Variants in ABCC4 observed in about 807,000 individuals in gnomAD.
ABCC4 encodes the protein ATP binding cassette subfamily C member 4 (PEL blood group).
A neutral mutation model predicts 168.5 loss-of-function variants in ABCC4; 102 were observed. The observed-to-expected ratio is 0.61, with a 90% CI of 0.52 to 0.71. ABCC4 has a LOEUF of 0.71. ABCC4 is among the 30% of genes least tolerant of loss of function. The pLI is 0.00. For synonymous variants in ABCC4, 617 were observed against 590.7 expected, an observed-to-expected ratio of 1.04 and a Z score of -0.65; for missense variants, 1,402 against 1,605.8, an observed-to-expected ratio of 0.87 and a Z score of 2.17.
At chr13:95,266,840 T>TG in intron 1 of ABCC4, among the ~76,000 whole-genome samples, 1 of 151,590 alleles carries the variant, frequency 6.6e-6, no homozygotes, top group African/African-American at 2.4e-5. Context: ...TTTTTTTTTT[T>TG]TGAGATGGAG....
chr13:95,066,705 C>T (rs1027371879), intron 25 of ABCC4, among the ~76,000 whole-genome samples: 1 of 152,138 alleles, frequency 6.6e-6, no homozygotes, highest in African/African-American at 2.4e-5. Context: ...ATGACTGAGC[C>T]CCTAAGTGAT....
intron 9 of ABCC4, among the ~76,000 whole-genome samples, chr13:95,189,936 T>A (rs78608794): frequency 6.6e-6 from 1 of 151,994 alleles, no homozygotes; most frequent in African/African-American, 2.4e-5. Flanking sequence ...TCAGAAATAA[T>A]GTTCCTAAAC....
At chr13:95,121,570 C>T (rs924224122) in intron 19 of ABCC4, among the ~76,000 whole-genome samples, 10 of 151,718 alleles carry the variant, frequency 6.6e-5, no homozygotes, top group African/African-American at 1.9e-4. Context: ...CCATGCCTGG[C>T]TAATTTTTAA....
At chr13:95,293,717 G>A (rs1243512121) in intron 1 of ABCC4, among the ~76,000 whole-genome samples, 3 of 151,412 alleles carry the variant, frequency 2.0e-5, no homozygotes, top group South Asian at 2.1e-4. Flanking sequence ...CACCTGCCTC[G>A]GCCTCCCAAA....
chr13:95,062,941 G>C (rs2033359767), intron 25 of ABCC4, 82 bp from the exon 26 acceptor site: 14 of 1,485,350 alleles, frequency 9.4e-6, no homozygotes, highest in South Asian at 4.0e-5. Flanking sequence ...AAAACTTTCG[G>C]TTTTTGAAGA....
chr13:95,094,173 A>C (rs921289327), intron 20 of ABCC4, among the ~76,000 whole-genome samples: 1 of 152,140 alleles, frequency 6.6e-6, no homozygotes, highest in Non-Finnish European at 1.5e-5. Context: ...GAATTAAAAA[A>C]AAAAATTCTA....
intron 1 of ABCC4, among the ~76,000 whole-genome samples, chr13:95,261,742 C>A (rs2040536287): frequency 6.6e-6 from 1 of 151,982 alleles, no homozygotes; most frequent in African/African-American, 2.4e-5. Context: ...TGTACAATAC[C>A]AATAAACAGT....
intron 19 of ABCC4, among the ~76,000 whole-genome samples, chr13:95,157,499 GAGGAAGGA>G (rs74573868): frequency 1.1e-4 from 17 of 149,278 alleles, no homozygotes; most frequent in South Asian, 4.3e-4. Flanking sequence ...AAGGAAGAAA[GAGGAAGGA>G]AGGAAGGAAG....
chr13:95,283,651 C>T (rs1176545625), intron 1 of ABCC4, among the ~76,000 whole-genome samples: 1 of 152,128 alleles, frequency 6.6e-6, no homozygotes, highest in African/African-American at 2.4e-5. Flanking sequence ...GGCACAGTGG[C>T]TCACACCTCT....
intron 25 of ABCC4, among the ~76,000 whole-genome samples, chr13:95,068,588 A>C (rs1277446755): frequency 6.6e-6 from 1 of 152,202 alleles, no homozygotes; most frequent in Non-Finnish European, 1.5e-5. Flanking sequence ...ACTGCACTCC[A>C]GCCTAGATGA....
chr13:95,029,180 A>G (rs76280006), intron 30 of ABCC4, among the ~76,000 whole-genome samples: 2 of 41,392 alleles, frequency 4.8e-5, no homozygotes, highest in East Asian at 6.8e-4. Context: ...ATATATATAT[A>G]TATATATATA....
At chr13:95,135,413 ATTCTTT>A (rs1444477512) in intron 19 of ABCC4, among the ~76,000 whole-genome samples, 2 of 150,542 alleles carry the variant, frequency 1.3e-5, no homozygotes, top group Non-Finnish European at 3.0e-5. Context: ...AATGTCCATA[ATTCTTT>A]TTTTTTTTTT....
chr13:95,063,377 A>G (rs1266554143), intron 25 of ABCC4, among the ~76,000 whole-genome samples: 1 of 152,152 alleles, frequency 6.6e-6, no homozygotes, highest in Non-Finnish European at 1.5e-5. Context: ...GACATAAACG[A>G]GTATTCATTT....
chr13:95,163,513 G>T, intron 17 of ABCC4, 97 bp downstream of exon 17: 1 of 1,155,564 alleles, frequency 8.7e-7, no homozygotes, highest in Non-Finnish European at 1.3e-6. Context: ...AGGATTAGAA[G>T]AGAAGGATCA....
At position 95,044,559 on chromosome 13, in the gene ABCC4, C is replaced by T. The variant is rs1216895006; in HGVS notation, c.3457-121G>A. ...GAGAGATATAACTTAAGTGGACACA[C>T]ACATGAGGCTGAATTACCTCTAGTT... On this transcript the variant is annotated intron_variant, in intron 27 of 30. Transcript: ENST00000645237. 6 of 774,358 alleles carry T rather than the reference C, an allele frequency of 7.7e-6. No individual in the cohort carries two copies. In the African/African-American group the frequency reaches 1.1e-4, roughly 14 times the overall value. The allele number at this position is 774,358 out of a possible 1,614,324, so 48.0% of individuals were successfully genotyped here.
At chr13:95,293,742 G>A (rs2041459060) in intron 1 of ABCC4, among the ~76,000 whole-genome samples, 1 of 151,232 alleles carries the variant, frequency 6.6e-6, no homozygotes, top group Admixed American at 6.6e-5. Flanking sequence ...TGGGATTACA[G>A]GCATAAGCCA....
chr13:95,065,577 T>C (rs2033502010), intron 25 of ABCC4, among the ~76,000 whole-genome samples: 2 of 152,246 alleles, frequency 1.3e-5, no homozygotes. Context: ...TATTTGTGGA[T>C]GTTTAGGCTC....
chr13:95,117,930 G>GA (rs1054742936), intron 19 of ABCC4, among the ~76,000 whole-genome samples: 1 of 151,570 alleles, frequency 6.6e-6, no homozygotes, highest in African/African-American at 2.4e-5. Flanking sequence ...AAGAAAAGAA[G>GA]AAAAAAAGAT....
intron 25 of ABCC4, 108 bp from the exon 26 acceptor site, chr13:95,062,967 CTA>C: frequency 7.9e-7 from 1 of 1,270,480 alleles, no homozygotes; most frequent in Non-Finnish European, 1.1e-6. Context: ...TAAGGACATT[CTA>C]TATTGAGTGT....
Sources: gnomAD v4.1 joint callset for allele counts (sites outside exome capture counted in the v4.1 genomes callset) on GRCh38, gnomAD v4.1.1 for gene constraint, MANE v1.5 for transcripts, NCBI Gene and HGNC (gene_info 2026-07-23, HGNC 2026-07-21) for gene names.